Variants in PSMA6 observed in about 807,000 individuals in gnomAD.
PSMA6 encodes proteasome 20S subunit alpha 6, also known as proteasome subunit alpha type-6.
For synonymous variants in PSMA6, 88 were observed against 97.7 expected, an observed-to-expected ratio of 0.90 and a Z score of 0.59; for missense variants, 170 against 294.8, an observed-to-expected ratio of 0.58 and a Z score of 3.10.
chr14:35,312,211 A>G (rs1376723801), intron 4 of PSMA6, among the ~76,000 whole-genome samples: 1 of 151,408 alleles, frequency 6.6e-6, no homozygotes, highest in Non-Finnish European at 1.5e-5. Flanking sequence ...AAAAAAAAAA[A>G]AAAAAAAAAG....
chr14:35,294,891 C>T (rs562035213), intron 1 of PSMA6, among the ~76,000 whole-genome samples: 1 of 152,166 alleles, frequency 6.6e-6, no homozygotes, highest in South Asian at 2.1e-4. Context: ...AAGTTGTTAA[C>T]ATTGACAGTA....
intron 4 of PSMA6, 200 bp from the exon 5 acceptor site, chr14:35,312,681 T>C: frequency 2.1e-6 from 1 of 474,284 alleles, no homozygotes; most frequent in Admixed American, 4.1e-5. Context: ...GATAAATCCT[T>C]TTGTGAAATG....
chr14:35,281,718 T>G (rs2051367706), intron 1 of PSMA6, among the ~76,000 whole-genome samples: 1 of 152,212 alleles, frequency 6.6e-6, no homozygotes, highest in African/African-American at 2.4e-5. Flanking sequence ...AATTTTCCTC[T>G]CCTGAATCTT....
At chr14:35,308,652 G>T in intron 2 of PSMA6, 1 of 373,430 alleles carries the variant, frequency 2.7e-6, no homozygotes, top group Non-Finnish European at 4.8e-6. Context: ...TGTCTTTGGG[G>T]ACCTTGAGAC....
intron 1 of PSMA6, chr14:35,292,934 C>G (rs1171350225): frequency 2.1e-6 from 1 of 468,914 alleles, no homozygotes. Flanking sequence ...GCCTCCTCTC[C>G]GTTTTCCTTT....
chr14:35,278,575 T>C, upstream of PSMA6: 1 of 896,346 alleles, frequency 1.1e-6, no homozygotes. Flanking sequence ...CAGTATCCAA[T>C]AGGATGCCAG....
intron 1 of PSMA6, 62 bp from the exon 2 acceptor site, chr14:35,307,932 A>T: frequency 6.7e-7 from 1 of 1,486,748 alleles, no homozygotes; most frequent in Admixed American, 1.7e-5. Flanking sequence ...AATGACTATT[A>T]TTTCATTGCA....
intron 1 of PSMA6, among the ~76,000 whole-genome samples, chr14:35,307,054 A>G (rs538838163): frequency 5.0e-4 from 76 of 152,334 alleles, no homozygotes; most frequent in African/African-American, 1.8e-3. Flanking sequence ...AGGCTGAGGC[A>G]GGAGAATCAC....
At chr14:35,291,424 G>A (rs960174194), upstream of PSMA6, among the ~76,000 whole-genome samples, 1 of 152,030 alleles carries the variant, frequency 6.6e-6, no homozygotes, top group Non-Finnish European at 1.5e-5. Flanking sequence ...GTTTCACCGT[G>A]TTAGCCAGGA....
intron 1 of PSMA6, among the ~76,000 whole-genome samples, chr14:35,296,620 T>C (rs1234617837): frequency 1.3e-5 from 2 of 152,126 alleles, no homozygotes; most frequent in African/African-American, 2.4e-5. Flanking sequence ...TGAGCCACCA[T>C]GCCCCGCCTT....
chr14:35,285,884 G>T (rs1357308578), intron 1 of PSMA6, among the ~76,000 whole-genome samples: 1 of 152,250 alleles, frequency 6.6e-6, no homozygotes, highest in Non-Finnish European at 1.5e-5. Context: ...AGAATTAGCT[G>T]CTTTCCAAAT....
chr14:35,308,152 T>A, intron 2 of PSMA6, 64 bp downstream of exon 2: 2 of 1,581,812 alleles, frequency 1.3e-6, no homozygotes, highest in Non-Finnish European at 1.7e-6. Context: ...CCAAGTGCAG[T>A]GGCTCACACC....
At chr14:35,305,606 G>T (rs543816233) in intron 1 of PSMA6, among the ~76,000 whole-genome samples, 105 of 152,326 alleles carry the variant, frequency 6.9e-4, no homozygotes, top group South Asian at 1.9e-3. Context: ...ATCACCTGTG[G>T]CTTTTTGAAC....
At chr14:35,312,001 A>C (rs933391707) in intron 4 of PSMA6, among the ~76,000 whole-genome samples, 1 of 152,174 alleles carries the variant, frequency 6.6e-6, no homozygotes, top group Non-Finnish European at 1.5e-5. Context: ...TAAATAGGTC[A>C]ATCTACAACA....
chr14:35,282,239 T>TA lies in PSMA6; in HGVS notation c.19+3523dup, dbSNP rs1490733294. Reference sequence around the variant, plus strand: ...AGGGAAGAAGTAAATAACTGTAATTTAATTTTTTATTTTTTGAGACAGGGT... The same window carrying TA: ...AGGGAAGAAGTAAATAACTGTAATTTAAATTTTTTATTTTTTGAGACAGGGT... On this transcript the variant is annotated intron_variant, in intron 1 of 6. Coordinates refer to the PSMA6 transcript ENST00000540871. Among the ~76,000 whole-genome samples, 3 of 152,188 alleles carry TA rather than the reference T, an allele frequency of 2.0e-5. No individual in the cohort carries two copies. The South Asian group carries it at 6.2e-4, about 31-fold the overall frequency.
At chr14:35,306,704 AT>A (rs1164394749) in intron 1 of PSMA6, among the ~76,000 whole-genome samples, 5 of 152,028 alleles carry the variant, frequency 3.3e-5, no homozygotes, top group Non-Finnish European at 5.9e-5. Flanking sequence ...AAGATCTGTA[AT>A]CTTACTGTCG....
At chr14:35,304,272 C>T (rs1219648024) in intron 1 of PSMA6, among the ~76,000 whole-genome samples, 1 of 152,126 alleles carries the variant, frequency 6.6e-6, no homozygotes, top group African/African-American at 2.4e-5. Flanking sequence ...CACGCCTGGC[C>T]AAGCTAGGGA....
intron 3 of PSMA6, chr14:35,310,092 T>C (rs1000284324): frequency 8.2e-6 from 3 of 367,712 alleles, no homozygotes. Context: ...CTATGATGGC[T>C]CACTGGGTGC....
rs944395075 is a variant in PSMA6, at chr14:35,310,190, C to T, written c.254-550C>T. ...TAAGAAAGATTATTCTCTCTCAAGG[C>T]CTTTTTTTTTTTTTTTGGAGACAGA... is the stretch of plus-strand genomic sequence containing the variant. On this transcript the variant is annotated intron_variant, in intron 3 of 6. Coordinates refer to ENST00000261479, the MANE Select transcript of PSMA6 (RefSeq NM_002791.3). 9.0e-6 allele frequency: 3 copies of T among 333,176 alleles called. No individual in the cohort carries two copies. In the African/African-American group the frequency reaches 1.5e-4, roughly 17 times the overall value. 20.6% of individuals were successfully genotyped at this position (333,176 alleles called of 1,614,324 possible).
Sources: gnomAD v4.1 joint callset for allele counts (sites outside exome capture counted in the v4.1 genomes callset) on GRCh38, gnomAD v4.1.1 for gene constraint, MANE v1.5 for transcripts, NCBI Gene and HGNC (gene_info 2026-07-23, HGNC 2026-07-21) for gene names.